Variants in PRKG1 observed in about 807,000 individuals in gnomAD.
PRKG1 encodes protein kinase cGMP-dependent 1.
PRKG1 carries 35 observed loss-of-function variants against 88.1 expected under a neutral mutation model. The ratio of observed to expected loss-of-function variants is 0.40; its 90% CI spans 0.30 to 0.53. The LOEUF (loss-of-function observed/expected upper bound fraction) is 0.53, where lower values mean the gene tolerates loss of function less well. PRKG1 is among the 20% of genes least tolerant of loss of function. PRKG1 has a pLI of 0.59. For synonymous variants in PRKG1, 303 were observed against 292.5 expected, an observed-to-expected ratio of 1.04 and a Z score of -0.37; for missense variants, 540 against 839.8, an observed-to-expected ratio of 0.64 and a Z score of 4.41.
chr10:51,404,886 G>A (rs1314964512), intron 2 of PRKG1, among the ~76,000 whole-genome samples: 1 of 152,006 alleles, frequency 6.6e-6, no homozygotes, highest in African/African-American at 2.4e-5. Context: ...GTGAGCAAGG[G>A]GCCATCCTTA....
chr10:51,222,907 G>A (rs1299210053), intron 2 of PRKG1, among the ~76,000 whole-genome samples: 2 of 151,562 alleles, frequency 1.3e-5, no homozygotes, highest in Admixed American at 6.6e-5. Flanking sequence ...CATTCTACTT[G>A]TATACATTAT....
At chr10:51,520,204 A>G (rs1329455825) in intron 3 of PRKG1, among the ~76,000 whole-genome samples, 1 of 150,808 alleles carries the variant, frequency 6.6e-6, no homozygotes, top group Non-Finnish European at 1.5e-5. Flanking sequence ...TACATTATTT[A>G]TATAATATAT....
At chr10:51,452,416 TG>T (rs1483348444) in intron 2 of PRKG1, among the ~76,000 whole-genome samples, 3 of 152,032 alleles carry the variant, frequency 2.0e-5, no homozygotes, top group Non-Finnish European at 4.4e-5. Context: ...AGTGTGGTGT[TG>T]GCTGTGCGTT....
intron 3 of PRKG1, among the ~76,000 whole-genome samples, chr10:51,742,940 A>G (rs1222628629): frequency 6.6e-6 from 1 of 152,076 alleles, no homozygotes; most frequent in Non-Finnish European, 1.5e-5. Context: ...TGCAGGGCTT[A>G]AAACCTAGAT....
At chr10:52,157,445 T>C (rs1838152159) in intron 8 of PRKG1, among the ~76,000 whole-genome samples, 1 of 150,610 alleles carries the variant, frequency 6.6e-6, no homozygotes, top group African/African-American at 2.4e-5. Flanking sequence ...TTCTAATAAT[T>C]TAAAAGACCA....
intron 2 of PRKG1, among the ~76,000 whole-genome samples, chr10:51,374,093 A>AAT (rs58198784): frequency 0.028 from 2,804 of 100,216 alleles, 141 homozygotes; most frequent in Non-Finnish European, 0.036. Flanking sequence ...AAAAAAAAAA[A>AAT]ATATATATAT....
intron 1 of PRKG1, among the ~76,000 whole-genome samples, chr10:51,044,352 A>G (rs528978057): frequency 1.8e-4 from 27 of 152,170 alleles, no homozygotes; most frequent in African/African-American, 6.5e-4. Context: ...ATTCCTGTGG[A>G]TATGGGAGAT....
intron 2 of PRKG1, among the ~76,000 whole-genome samples, chr10:51,263,873 C>T (rs1839776339): frequency 6.6e-6 from 1 of 152,124 alleles, no homozygotes; most frequent in South Asian, 2.1e-4. Flanking sequence ...TGTTAAAATT[C>T]CCTTTTAGAG....
At chr10:51,088,804 T>C (rs1028239669) in intron 1 of PRKG1, among the ~76,000 whole-genome samples, 2 of 137,558 alleles carry the variant, frequency 1.5e-5, no homozygotes, top group South Asian at 2.4e-4. Flanking sequence ...AGATATTTAA[T>C]ATGATTTTTT....
intron 3 of PRKG1, among the ~76,000 whole-genome samples, chr10:51,573,355 A>G (rs539444744): frequency 6.7e-6 from 1 of 150,334 alleles, no homozygotes; most frequent in Non-Finnish European, 1.5e-5. Context: ...ATTAATACAC[A>G]TTGTATTTAA....
At chr10:52,067,348 T>C (rs969843398) in intron 7 of PRKG1, among the ~76,000 whole-genome samples, 4 of 152,242 alleles carry the variant, frequency 2.6e-5, no homozygotes, top group African/African-American at 9.6e-5. Flanking sequence ...GGCAATTAAA[T>C]ATTGATAAGT....
At chr10:51,246,350 A>T (rs1221584760) in intron 2 of PRKG1, among the ~76,000 whole-genome samples, 1 of 152,106 alleles carries the variant, frequency 6.6e-6, no homozygotes, top group Non-Finnish European at 1.5e-5. Flanking sequence ...TGCCCACAGG[A>T]TCCAGACAGC....
intron 3 of PRKG1, among the ~76,000 whole-genome samples, chr10:51,541,874 T>C (rs1462215991): frequency 1.3e-5 from 2 of 152,170 alleles, no homozygotes; most frequent in African/African-American, 4.8e-5. Flanking sequence ...TAATGTGCCT[T>C]ATAAATGTAA....
intron 5 of PRKG1, among the ~76,000 whole-genome samples, chr10:52,028,346 C>T (rs1845396259): frequency 6.6e-6 from 1 of 152,140 alleles, no homozygotes; most frequent in Admixed American, 6.5e-5. Flanking sequence ...GCCTGAGTGC[C>T]TTTAACTTCC....
chr10:51,914,707 G>A (rs976204479), intron 5 of PRKG1, among the ~76,000 whole-genome samples: 3 of 152,220 alleles, frequency 2.0e-5, no homozygotes, highest in African/African-American at 7.2e-5. Flanking sequence ...CTCTACCTTT[G>A]ATTTGCAATT....
chr10:51,323,114 C>T (rs2132512243), intron 2 of PRKG1, among the ~76,000 whole-genome samples: 1 of 152,240 alleles, frequency 6.6e-6, no homozygotes, highest in African/African-American at 2.4e-5. Flanking sequence ...TAAGCCACTT[C>T]CATTTTCACA....
intron 7 of PRKG1, among the ~76,000 whole-genome samples, chr10:52,088,030 A>C (rs1180223619): frequency 6.6e-6 from 1 of 152,130 alleles, no homozygotes; most frequent in East Asian, 1.9e-4. Context: ...AGTGCATCCC[A>C]TACTCCCACC....
intron 7 of PRKG1, among the ~76,000 whole-genome samples, chr10:52,116,169 T>G (rs1348173495): frequency 6.6e-6 from 1 of 152,184 alleles, no homozygotes; most frequent in East Asian, 1.9e-4. Context: ...AGTACAAAAA[T>G]GTACTTTCAG....
chr10:51,729,648 A>T (rs1842223486), intron 3 of PRKG1, among the ~76,000 whole-genome samples: 1 of 130,652 alleles, frequency 7.7e-6, no homozygotes, highest in South Asian at 2.7e-4. Context: ...CGGAGTTTGC[A>T]GTGAGCCGAG....
Sources: allele counts gnomAD v4.1 joint callset (sites outside exome capture counted in the v4.1 genomes callset), GRCh38; gene constraint gnomAD v4.1.1; transcripts MANE v1.5; gene names NCBI Gene and HGNC (gene_info 2026-07-23, HGNC 2026-07-21).